The following PHF3 variants were observed in gnomAD, a reference collection of about 807,000 sequenced individuals.
PHF3 encodes PHD finger protein 3.
Under a neutral mutation model 178.4 loss-of-function variants are expected in PHF3, and 41 were observed. That is an observed-to-expected ratio of 0.23 (90% CI 0.18 to 0.30). PHF3 has a LOEUF of 0.30. Ranked by LOEUF, PHF3 falls within the 10% of genes least tolerant of loss-of-function variation. The pLI is 1.00. For missense variants in PHF3, 2,346 were observed against 2,398.1 expected (o/e 0.98, Z 0.45); for synonymous variants, 842 against 800.5 (o/e 1.05, Z -0.88).
At chr6:63,699,518 A>C (rs572304507) in intron 8 of PHF3, among the ~76,000 whole-genome samples, 1 of 152,174 alleles carries the variant, frequency 6.6e-6, no homozygotes, top group Non-Finnish European at 1.5e-5. Flanking sequence ...GGTCCCGAGG[A>C]TCAGATGCTT....
At position 63,713,123 on chromosome 6, in the gene PHF3, T is replaced by C; in HGVS notation, c.5535T>C (p.Phe1845=). ...CTCCATTACTTCCCCCTCCAGGCTT[T>C]GGCTTTGCTCAAAATCCCATGGTTC... is the stretch of plus-strand genomic sequence containing the variant. ...LPPPLLPPPG[F]GFAQNPMVPW... is the part of the protein sequence containing the mutation. The change falls in exon 16 of 16, where the codon TTT becomes TTC. Residue 1845 remains phenylalanine (F), a synonymous_variant. Transcript: ENST00000262043. The C allele has an allele frequency of 1.2e-6, 2 of 1,614,044 alleles. No individual in the cohort carries two copies. Among genetic ancestry groups the C allele is most frequent in the Non-Finnish European group, 1.7e-6 (2 of 1,179,976 alleles).
chr6:63,679,551 G>C (rs1561959881), intron 2 of PHF3: 1 of 187,316 alleles, frequency 5.3e-6, no homozygotes, highest in South Asian at 1.1e-4. Context: ...CATACATGTA[G>C]CATAAAGTCT....
In PHF3 at chr6:63,712,284, G is replaced by T. The variant is rs1351011907; in HGVS notation, c.4696G>T (p.Asp1566Tyr). ...TCTTAGTCTCAGAGGTAAGCCACCA[G>T]ATGTTTCTACAGAAGCATTTTTAAC... The part of the protein sequence containing the change: ...TSLSLRGKPP[D>Y]VSTEAFLTNL... Residue 1566 changes from aspartate to tyrosine, a missense_variant, in exon 16 of 16, where the codon GAT (aspartate) becomes TAT (tyrosine). Coordinates refer to ENST00000262043, the MANE Select transcript of PHF3 (RefSeq NM_001370348.2). 1 of 1,613,746 alleles carries T rather than the reference G, an allele frequency of 6.2e-7. No homozygotes were observed. The highest frequency in any genetic ancestry group is 8.5e-7 in the Non-Finnish European group (1 of 1,179,800).
chr6:63,652,753 T>G (rs919602292), intron 2 of PHF3, among the ~76,000 whole-genome samples: 3 of 152,192 alleles, frequency 2.0e-5, no homozygotes, highest in African/African-American at 7.2e-5. Context: ...TGCACATAGA[T>G]ATCCAGTTTT....
intron 2 of PHF3, among the ~76,000 whole-genome samples, chr6:63,678,220 C>CA (rs201977192): frequency 0.05 from 5,859 of 117,004 alleles, 390 homozygotes; most frequent in African/African-American, 0.16. Flanking sequence ...GACTCCGTCT[C>CA]AAAAAAAAAA....
intron 11 of PHF3, among the ~76,000 whole-genome samples, chr6:63,704,395 T>G (rs1249201541): frequency 1.3e-5 from 2 of 151,936 alleles, no homozygotes. Flanking sequence ...CTCTGTCTAT[T>G]CATCCCTTCC....
rs1183200963 is a variant in PHF3, at chr6:63,721,731, G to A, written c.*8023G>A. The A allele has an allele frequency of 6.4e-7, 1 of 1,550,748 alleles. No individual in the cohort carries two copies. Among genetic ancestry groups the A allele is most frequent in the Admixed American group, 2.0e-5 (1 of 50,966 alleles). On this transcript the variant is annotated 3_prime_UTR_variant, in exon 16 of 16. Transcript: ENST00000262043. ...TTTTTGGAGAGTTTCTAGAATGATAGTTCTGTCGCCAAGGTTGTAGCGAAG... is the reference window on the plus strand; with the variant it reads ...TTTTTGGAGAGTTTCTAGAATGATAATTCTGTCGCCAAGGTTGTAGCGAAG...
At chr6:63,705,979 A>G (rs1767671733) in intron 11 of PHF3, 50 bp from the exon 12 acceptor site, 3 of 1,421,126 alleles carry the variant, frequency 2.1e-6, no homozygotes, top group Non-Finnish European at 2.9e-6. Context: ...GGGTTAAGTT[A>G]TAAAAGTTGT....
intron 2 of PHF3, among the ~76,000 whole-genome samples, chr6:63,679,525 C>T (rs1174893018): frequency 6.6e-6 from 1 of 150,924 alleles, no homozygotes; most frequent in Non-Finnish European, 1.5e-5. Flanking sequence ...AAAAGTACAT[C>T]TGCATTGCTT....
intron 14 of PHF3, among the ~76,000 whole-genome samples, chr6:63,710,076 T>C (rs1767863720): frequency 6.6e-6 from 1 of 152,210 alleles, no homozygotes; most frequent in Admixed American, 6.5e-5. Flanking sequence ...TGCCTCTTTT[T>C]CAGAAGTCTC....
chr6:63,657,468 C>T (rs1884117), intron 2 of PHF3, among the ~76,000 whole-genome samples: 82,971 of 152,034 alleles, frequency 0.55, 24,200 homozygotes, highest in African/African-American at 0.76. Context: ...TTATATGTTA[C>T]GTGTATTATC....
In PHF3 at chr6:63,720,127, A is replaced by G. The variant is rs1328776921; in HGVS notation, c.*6419A>G. 6.1e-6 allele frequency: 1 copy of G among 163,064 alleles called. No individual in the cohort carries two copies. The highest frequency in any genetic ancestry group is 1.3e-5 in the Non-Finnish European group (1 of 75,608). The allele number at this position is 163,064 out of a possible 1,614,324, so 10.1% of individuals were successfully genotyped here. On this transcript the variant is annotated 3_prime_UTR_variant, in exon 16 of 16. Transcript: ENST00000262043. ...ATAAGTTGTAGCTAAGCCATGTAAT[A>G]CAATATGGTTACATTGCTTTGTATA...
chr6:63,681,416 C>T (rs1037765911), intron 3 of PHF3, among the ~76,000 whole-genome samples: 1 of 151,934 alleles, frequency 6.6e-6, no homozygotes, highest in Non-Finnish European at 1.5e-5. Flanking sequence ...ATTTTGTTAG[C>T]TCTTGATTTC....
In PHF3 at chr6:63,702,489, A is replaced by G. The variant is rs1767516455; in HGVS notation, c.3100-19A>G. The G allele has an allele frequency of 2.6e-6, 4 of 1,521,006 alleles. No individual in the cohort carries two copies. Among genetic ancestry groups the G allele is most frequent in the Non-Finnish European group, 3.5e-6 (4 of 1,129,012 alleles). 94.2% of individuals were successfully genotyped at this position (1,521,006 alleles called of 1,614,324 possible). On this transcript the variant is annotated intron_variant, in intron 9 of 15. Coordinates refer to ENST00000262043, the MANE Select transcript of PHF3 (RefSeq NM_001370348.2). ...ACATATTTTAAATTTAATATTTTTA[A>G]AAAAGTATTTTCTGTTAGACCATAG...
chr6:63,692,205 C>T (rs116160487), intron 5 of PHF3, among the ~76,000 whole-genome samples, 162 bp downstream of exon 5: 1,803 of 152,106 alleles, frequency 0.012, 30 homozygotes, highest in African/African-American at 0.042. Context: ...AATTTTTTGT[C>T]AGTCTTGGTG....
Position 63,711,756 on chromosome 6 carries a change from G to A in PHF3, c.4168G>A (p.Glu1390Lys). ...AAGTAAAATAGAAGTTTCTACAGAA[G>A]AAGCACCAGAGGAAGAAAATGACTT... ...KKSKIEVSTEEAPEEENDFFN... is the reference protein window; with the variant it reads ...KKSKIEVSTEKAPEEENDFFN... Residue 1390 changes from glutamate (E) to lysine (K), a missense_variant, in exon 16 of 16, where the codon GAA becomes AAA. Around this residue, in one of 8 missense-constraint regions of PHF3, gnomAD observed 839 missense variants for 806.9 expected, o/e 1.04. Coordinates refer to ENST00000262043, the MANE Select transcript of PHF3 (RefSeq NM_001370348.2). The A allele has an allele frequency of 1.2e-6, 2 of 1,613,512 alleles. No homozygotes were observed. Among genetic ancestry groups the A allele is most frequent in the Non-Finnish European group, 1.7e-6 (2 of 1,179,828 alleles).
At chr6:63,693,667 CTT>C (rs1158155729) in intron 5 of PHF3, among the ~76,000 whole-genome samples, 1 of 152,184 alleles carries the variant, frequency 6.6e-6, no homozygotes, top group Non-Finnish European at 1.5e-5. Context: ...TTGAGAACCT[CTT>C]TATCCAGTCT....
chr6:63,681,886 G>T (rs1648864811), intron 3 of PHF3, among the ~76,000 whole-genome samples: 1 of 152,074 alleles, frequency 6.6e-6, no homozygotes, highest in Non-Finnish European at 1.5e-5. Context: ...GGTTTTACCA[G>T]CTATGAGCGT....
At chr6:63,662,249 A>G (rs1765500217) in intron 2 of PHF3, among the ~76,000 whole-genome samples, 1 of 152,088 alleles carries the variant, frequency 6.6e-6, no homozygotes, top group African/African-American at 2.4e-5. Flanking sequence ...CAGGGCCAAA[A>G]TTTTCCTCAA....
Sources: gnomAD v4.1 joint callset for allele counts (sites outside exome capture counted in the v4.1 genomes callset) on GRCh38, gnomAD v4.1.1 for gene constraint, gnomAD v4.1.1 regional missense constraint, MANE v1.5 for transcripts, NCBI Gene and HGNC (gene_info 2026-07-23, HGNC 2026-07-21) for gene names.